Variants in PPFIA2 observed in about 807,000 individuals in gnomAD.
PPFIA2 encodes the protein PPFI scaffold protein A2.
A neutral mutation model predicts 175.5 loss-of-function variants in PPFIA2; 46 were observed. That is an observed-to-expected ratio of 0.26 (90% CI 0.21 to 0.34). The LOEUF (loss-of-function observed/expected upper bound fraction) is 0.34. Among genes scored for constraint, PPFIA2 ranks in the 10% least tolerant of loss-of-function variants. The pLI, the probability that PPFIA2 is intolerant of heterozygous loss-of-function variation, is 1.00. For missense variants in PPFIA2, 1,179 were observed against 1,506.1 expected (o/e 0.78, Z 3.60); for synonymous variants, 568 against 511.4 (o/e 1.11, Z -1.49).
chr12:81,288,891 C>A (rs1312666464), intron 24 of PPFIA2, among the ~76,000 whole-genome samples: 1 of 151,564 alleles, frequency 6.6e-6, no homozygotes, highest in African/African-American at 2.4e-5. Flanking sequence ...ACCCTCTTTT[C>A]AATAAAGGTT....
At chr12:81,358,334 G>C in intron 15 of PPFIA2, 117 bp from the exon 16 acceptor site, 1 of 997,196 alleles carries the variant, frequency 1.0e-6, no homozygotes, top group Non-Finnish European at 1.5e-6. Context: ...TAAACCTCAA[G>C]AAAGATAACC....
At chr12:81,376,033 C>A (rs1178229244) in intron 9 of PPFIA2, 91 bp from the exon 10 acceptor site, 7 of 1,189,676 alleles carry the variant, frequency 5.9e-6, no homozygotes, top group Non-Finnish European at 7.1e-6. Context: ...AACATAAAAA[C>A]TATTGCATTC....
In PPFIA2 at chr12:81,750,532, G is replaced by T. The variant is rs1453704985; in HGVS notation, c.249+3441C>A. 3.8e-5 allele frequency among the ~76,000 whole-genome samples: 4 copies of T among 106,564 alleles called. 2 individuals are homozygous for T. Among genetic ancestry groups the T allele is most frequent in the Non-Finnish European group, 9.3e-5 (4 of 42,824 alleles). The allele number at this position is 106,564 out of a possible 152,430, so 69.9% of individuals were successfully genotyped here. On this transcript the variant is annotated intron_variant, in intron 3 of 32. Coordinates refer to ENST00000549396, the MANE Select transcript of PPFIA2 (RefSeq NM_003625.5). Reference sequence around the variant, plus strand: ...GGGTTTGGAGCATGTTGAATCTGAGGTTCTGTGGAACATAAAAATGGATCT... The same window carrying T: ...GGGTTTGGAGCATGTTGAATCTGAGTTTCTGTGGAACATAAAAATGGATCT...
chr12:81,445,818 T>A, intron 5 of PPFIA2, 98 bp from the exon 6 acceptor site: 1 of 1,191,230 alleles, frequency 8.4e-7, no homozygotes, highest in African/African-American at 1.5e-5. Context: ...TTACATAGTA[T>A]CTAATGTTAG....
intron 4 of PPFIA2, among the ~76,000 whole-genome samples, chr12:81,529,730 C>A (rs2064245759): frequency 6.6e-6 from 1 of 151,948 alleles, no homozygotes; most frequent in Non-Finnish European, 1.5e-5. Flanking sequence ...ATACAGCTGA[C>A]TACTTGTTGC....
intron 3 of PPFIA2, among the ~76,000 whole-genome samples, chr12:81,692,777 C>G (rs12821629): frequency 1.3e-5 from 2 of 151,966 alleles, no homozygotes; most frequent in Non-Finnish European, 2.9e-5. Context: ...CACATATTTT[C>G]ATAGTATTGG....
rs182572356 is a variant in PPFIA2 at position 81,300,990 on chromosome 12, A to G, written c.2643-1608T>C. Among the ~76,000 whole-genome samples, 651 of 146,348 alleles carry G rather than the reference A, an allele frequency of 4.4e-3. 7 individuals are homozygous for G. The highest frequency in any genetic ancestry group is 0.017 in the African/African-American group (625 of 35,910). ...CTGTCTGAAAATACAATACAATACA[A>G]TATAATACAATACATTACACAAACA... On this transcript the variant is annotated intron_variant, in intron 22 of 32. Transcript: ENST00000549396.
At chr12:81,394,808 T>TAA (rs10718613) in intron 8 of PPFIA2, among the ~76,000 whole-genome samples, 6 of 136,790 alleles carry the variant, frequency 4.4e-5, no homozygotes, top group Admixed American at 7.3e-5. Context: ...TCCCAGAAGT[T>TAA]AAAAAAAAAA....
chr12:81,356,196 G>A (rs1252894401), intron 16 of PPFIA2, among the ~76,000 whole-genome samples: 4 of 152,164 alleles, frequency 2.6e-5, no homozygotes, highest in African/African-American at 9.7e-5. Context: ...CAAAGAAAGG[G>A]AAAGCAGTGG....
intron 3 of PPFIA2, among the ~76,000 whole-genome samples, chr12:81,730,939 A>T (rs2080811974): frequency 6.6e-6 from 1 of 151,442 alleles, no homozygotes; most frequent in Non-Finnish European, 1.5e-5. Flanking sequence ...TAGGTGCATT[A>T]GTACCCTTTA....
At chr12:81,691,776 T>C (rs2075273766) in intron 3 of PPFIA2, among the ~76,000 whole-genome samples, 2 of 152,088 alleles carry the variant, frequency 1.3e-5, no homozygotes, top group African/African-American at 4.8e-5. Flanking sequence ...AAGTAACTTT[T>C]GACCAGGGGA....
At chr12:81,411,943 G>C (rs75151439) in intron 7 of PPFIA2, among the ~76,000 whole-genome samples, 2 of 151,946 alleles carry the variant, frequency 1.3e-5, no homozygotes, top group African/African-American at 4.8e-5. Flanking sequence ...GAGGACAAGA[G>C]GGAACAGCAA....
At chr12:81,705,463 A>G (rs1300403278) in intron 3 of PPFIA2, among the ~76,000 whole-genome samples, 1 of 141,154 alleles carries the variant, frequency 7.1e-6, no homozygotes, top group Non-Finnish European at 1.5e-5. Context: ...TCTCAAAAAA[A>G]AAAAAAAAAA....
At chr12:81,499,823 AAAAGAAAGAAAGAAAAG>A (rs2060408752) in intron 4 of PPFIA2, among the ~76,000 whole-genome samples, 6 of 152,160 alleles carry the variant, frequency 3.9e-5, no homozygotes, top group Admixed American at 3.9e-4. Context: ...TCCTAAAAAA[AAAAGAAAGAAAGAAAAG>A]AAAGAAATTG....
chr12:81,340,094 A>T (rs943801296), intron 20 of PPFIA2, among the ~76,000 whole-genome samples: 2 of 152,074 alleles, frequency 1.3e-5, no homozygotes, highest in African/African-American at 4.8e-5. Flanking sequence ...ACTTTTACTT[A>T]CTCATGTGAA....
chr12:81,646,579 A>C (rs1467400325), intron 4 of PPFIA2, among the ~76,000 whole-genome samples: 1 of 152,240 alleles, frequency 6.6e-6, no homozygotes, highest in African/African-American at 2.4e-5. Flanking sequence ...TGAAAGTTAA[A>C]AATGGAAGAG....
chr12:81,456,881 A>G (rs1338482639), intron 5 of PPFIA2, among the ~76,000 whole-genome samples: 4 of 152,182 alleles, frequency 2.6e-5, no homozygotes, highest in Non-Finnish European at 5.9e-5. Flanking sequence ...ATGAAATCAG[A>G]ATATCATGGC....
intron 32 of PPFIA2, chr12:81,261,215 C>CTATT (rs2035386656): frequency 6.6e-6 from 1 of 152,026 alleles, no homozygotes; most frequent in African/African-American, 2.4e-5. Context: ...ACAGTTTCTA[C>CTATT]TATTTATTTA....
chr12:81,741,623 AT>A (rs1249063016), intron 3 of PPFIA2, among the ~76,000 whole-genome samples: 1 of 94,874 alleles, frequency 1.1e-5, no homozygotes, highest in Non-Finnish European at 2.0e-5. Context: ...ACATTATGAG[AT>A]TTTTTTGGTG....
Sources: gnomAD v4.1 joint callset for allele counts (sites outside exome capture counted in the v4.1 genomes callset) on GRCh38, gnomAD v4.1.1 for gene constraint, MANE v1.5 for transcripts, NCBI Gene and HGNC (gene_info 2026-07-23, HGNC 2026-07-21) for gene names.